Variants in CNTN5 observed in about 807,000 individuals in gnomAD.
The protein encoded by CNTN5 is contactin 5.
Under a neutral mutation model 129.1 loss-of-function variants are expected in CNTN5, and 77 were observed. The ratio of observed to expected loss-of-function variants is 0.60; its 90% CI spans 0.50 to 0.72. The LOEUF is 0.72. Among genes scored for constraint, CNTN5 ranks in the 30% least tolerant of loss-of-function variants. The pLI is 0.00. For synonymous variants in CNTN5, 509 were observed against 465.6 expected, an observed-to-expected ratio of 1.09 and a Z score of -1.20; for missense variants, 1,478 against 1,328.8, an observed-to-expected ratio of 1.11 and a Z score of -1.75.
intron 3 of CNTN5, among the ~76,000 whole-genome samples, chr11:99,569,172 A>C (rs964114884): frequency 2.0e-5 from 3 of 152,198 alleles, no homozygotes; most frequent in African/African-American, 7.2e-5. Flanking sequence ...ATGTTTATAC[A>C]AAAGTACAAG....
At chr11:99,278,293 T>A (rs2135880261) in intron 1 of CNTN5, among the ~76,000 whole-genome samples, 1 of 151,808 alleles carries the variant, frequency 6.6e-6, no homozygotes, top group East Asian at 1.9e-4. Context: ...ACCCTGTGAA[T>A]AACTGGTAAG....
chr11:100,302,679 A>G (rs1951251045), intron 20 of CNTN5, among the ~76,000 whole-genome samples: 1 of 151,550 alleles, frequency 6.6e-6, no homozygotes, highest in South Asian at 2.1e-4. Context: ...AGCAGAGAAC[A>G]GAAAAACTTA....
chr11:99,654,203 A>T (rs979813523), intron 3 of CNTN5, among the ~76,000 whole-genome samples: 2 of 152,096 alleles, frequency 1.3e-5, no homozygotes, highest in African/African-American at 4.8e-5. Context: ...TAAGTTTTTC[A>T]AATTAAAATA....
Position 99,021,010 on chromosome 11 carries a change from C to G in CNTN5, c.-470C>G, listed in dbSNP as rs1225843743. 1 of 152,690 alleles carries G rather than the reference C, an allele frequency of 6.5e-6. No homozygotes were observed. The highest frequency in any genetic ancestry group is 1.5e-5 in the Non-Finnish European group (1 of 68,430). 9.5% of individuals were successfully genotyped at this position (152,690 alleles called of 1,614,324 possible). ...TATAACCAACTACGGCGTGGGGGAG[C>G]GGAACTGCGAGAAGGCGGCAGCCAA... On this transcript the variant is annotated 5_prime_UTR_variant, in exon 1 of 25. Transcript: ENST00000524871.
At chr11:99,658,050 A>G (rs759975545) in intron 3 of CNTN5, among the ~76,000 whole-genome samples, 6 of 152,050 alleles carry the variant, frequency 3.9e-5, no homozygotes, top group Non-Finnish European at 7.4e-5. Context: ...TGAATCTTTA[A>G]GTTGTATCAA....
intron 7 of CNTN5, among the ~76,000 whole-genome samples, chr11:99,926,775 CT>C (rs1387880518): frequency 6.6e-6 from 1 of 151,880 alleles, no homozygotes; most frequent in Non-Finnish European, 1.5e-5. Context: ...TACATAAGAT[CT>C]TTATTCTGTG....
chr11:99,528,893 G>A (rs560485599), intron 2 of CNTN5, among the ~76,000 whole-genome samples: 8 of 116,798 alleles, frequency 6.8e-5, no homozygotes, highest in African/African-American at 1.7e-4. Flanking sequence ...GAGAAACCCC[G>A]TTTCTACTAA....
At chr11:100,050,088 C>G (rs973890318) in intron 9 of CNTN5, among the ~76,000 whole-genome samples, 2 of 152,094 alleles carry the variant, frequency 1.3e-5, no homozygotes, top group Admixed American at 6.5e-5. Flanking sequence ...GGATCTAGAA[C>G]TAGAAATACC....
At chr11:99,994,020 C>T (rs945606279) in intron 8 of CNTN5, among the ~76,000 whole-genome samples, 2 of 152,084 alleles carry the variant, frequency 1.3e-5, no homozygotes, top group Non-Finnish European at 2.9e-5. Flanking sequence ...TTAGCAACCT[C>T]TTGGGGCCAG....
chr11:100,148,763 G>T (rs896892884), intron 13 of CNTN5, among the ~76,000 whole-genome samples: 1 of 152,112 alleles, frequency 6.6e-6, no homozygotes, highest in African/African-American at 2.4e-5. Flanking sequence ...GGGCACTCTT[G>T]TAACATATAG....
At chr11:99,583,593 C>T (rs1041837221) in intron 3 of CNTN5, among the ~76,000 whole-genome samples, 9 of 152,176 alleles carry the variant, frequency 5.9e-5, no homozygotes, top group South Asian at 2.1e-4. Flanking sequence ...TAGCAATGAG[C>T]GAGGCTCCGT....
intron 2 of CNTN5, among the ~76,000 whole-genome samples, chr11:99,359,663 A>C (rs1938964048): frequency 6.6e-6 from 1 of 151,848 alleles, no homozygotes; most frequent in Middle Eastern, 3.4e-3. Flanking sequence ...TAGCTCCACA[A>C]GTCTACAGTC....
At chr11:99,804,657 G>A (rs983349106) in intron 3 of CNTN5, among the ~76,000 whole-genome samples, 3 of 150,718 alleles carry the variant, frequency 2.0e-5, no homozygotes, top group African/African-American at 4.9e-5. Flanking sequence ...CCCCTTAATC[G>A]TTAGCTAATA....
chr11:99,843,866 C>G (rs2135690544), intron 4 of CNTN5, among the ~76,000 whole-genome samples: 1 of 150,846 alleles, frequency 6.6e-6, no homozygotes, highest in Non-Finnish European at 1.5e-5. Flanking sequence ...GCAAAAAAAG[C>G]TTTACTTTTT....
chr11:99,295,793 G>A (rs993912190), intron 1 of CNTN5, among the ~76,000 whole-genome samples: 7 of 149,970 alleles, frequency 4.7e-5, no homozygotes, highest in Non-Finnish European at 8.9e-5. Flanking sequence ...GGAGAATGGC[G>A]TGAACCCAGG....
At chr11:99,202,691 T>C (rs1859270181) in intron 1 of CNTN5, among the ~76,000 whole-genome samples, 1 of 151,736 alleles carries the variant, frequency 6.6e-6, no homozygotes, top group Non-Finnish European at 1.5e-5. Flanking sequence ...AGAAACAATA[T>C]AGAAACACAG....
chr11:99,732,234 G>T (rs1322514102), intron 3 of CNTN5, among the ~76,000 whole-genome samples: 6 of 151,780 alleles, frequency 4.0e-5, no homozygotes, highest in Non-Finnish European at 1.5e-5. Flanking sequence ...ATTTGAGGTT[G>T]TTTTAAAGAA....
chr11:100,069,004 G>C (rs1943800541), intron 10 of CNTN5, among the ~76,000 whole-genome samples: 1 of 152,142 alleles, frequency 6.6e-6, no homozygotes, highest in African/African-American at 2.4e-5. Context: ...TTGGCTCAGT[G>C]TCTAGGACAT....
In CNTN5 at chr11:99,957,078, G is replaced by A; in HGVS notation, c.877+69G>A. On this transcript the variant is annotated intron_variant, in intron 8 of 24. Transcript: ENST00000524871. ...GGAAAATAAAGATGTATTAGTGTGTGTTTTTTTTTTAAGACCTGGAACTTA... is the reference window on the plus strand; with the variant it reads ...GGAAAATAAAGATGTATTAGTGTGTATTTTTTTTTTAAGACCTGGAACTTA... The A allele has an allele frequency of 2.6e-6, 3 of 1,149,862 alleles. No individual in the cohort carries two copies. In the South Asian group the frequency reaches 5.1e-5, roughly 19 times the overall value. The allele number at this position is 1,149,862 out of a possible 1,614,324, so 71.2% of individuals were successfully genotyped here.
Sources: gnomAD v4.1 joint callset for allele counts (sites outside exome capture counted in the v4.1 genomes callset) on GRCh38, gnomAD v4.1.1 for gene constraint, MANE v1.5 for transcripts, NCBI Gene and HGNC (gene_info 2026-07-23, HGNC 2026-07-21) for gene names.